LVRN: variants seen among roughly 807,000 people sequenced by gnomAD.
LVRN encodes aminopeptidase Q.
A neutral mutation model predicts 111.4 loss-of-function variants in LVRN; 99 were observed. The ratio of observed to expected loss-of-function variants is 0.89; its 90% confidence interval spans 0.76 to 1.05. The LOEUF (loss-of-function observed/expected upper bound fraction) is 1.05. Ranked by LOEUF, LVRN falls within the 50% of genes least tolerant of loss-of-function variation. The pLI is 0.00. For missense variants in LVRN, 1,414 were observed against 1,206.8 expected, an observed-to-expected ratio of 1.17 and a Z score of -2.54; for synonymous variants, 488 against 449.5, an observed-to-expected ratio of 1.09 and a Z score of -1.08.
chr5:116,014,174 GT>G (rs1228344826), intron 15 of LVRN, among the ~76,000 whole-genome samples: 1 of 152,156 alleles, frequency 6.6e-6, no homozygotes, highest in East Asian at 1.9e-4. Flanking sequence ...GCAGTAATTT[GT>G]TTCTAACTTT....
Position 116,015,396 on chromosome 5 carries a change from C to T in LVRN, c.2595C>T (p.Ser865=). 6.5e-7 allele frequency: 1 copy of T among 1,536,820 alleles called. No homozygotes were observed. The highest frequency in any genetic ancestry group is 1.4e-5 in the African/African-American group (1 of 69,464). Residue 865 remains serine (S), a synonymous_variant, in exon 17 of 20, where the codon AGC becomes AGT. Coordinates refer to ENST00000357872, the MANE Select transcript of LVRN (RefSeq NM_173800.5). ...KIQLAYAMSC[S]KDPWILNRYM... Reference sequence around the variant, plus strand: ...AACTTGCTTATGCAATGAGCTGCAGCAAAGACCCATGGATACTTAACAGGT... The same window carrying T: ...AACTTGCTTATGCAATGAGCTGCAGTAAAGACCCATGGATACTTAACAGGT...
chr5:115,991,413 T>G (rs556872171), intron 4 of LVRN, among the ~76,000 whole-genome samples: 1 of 152,334 alleles, frequency 6.6e-6, no homozygotes, highest in Admixed American at 6.5e-5. Flanking sequence ...TCTGTTGTAT[T>G]GATGTACTGC....
At chr5:115,977,217 C>T (rs1056234305) in intron 1 of LVRN, among the ~76,000 whole-genome samples, 1 of 152,164 alleles carries the variant, frequency 6.6e-6, no homozygotes, top group Non-Finnish European at 1.5e-5. Flanking sequence ...TACCTCTTCT[C>T]TTATACTCTA....
chr5:115,969,251 C>G (rs1160659293), intron 1 of LVRN, among the ~76,000 whole-genome samples: 4 of 152,124 alleles, frequency 2.6e-5, no homozygotes, highest in Admixed American at 6.5e-5. Flanking sequence ...TTTGGAAAAA[C>G]TTTCAACCAT....
chr5:115,979,414 G>T (rs968320776), intron 1 of LVRN, among the ~76,000 whole-genome samples: 1 of 152,020 alleles, frequency 6.6e-6, no homozygotes, highest in Non-Finnish European at 1.5e-5. Flanking sequence ...CCCTGAGAGC[G>T]TGGAAAGCTT....
At chr5:116,000,951 C>A in intron 9 of LVRN, 116 bp from the exon 10 acceptor site, 1 of 1,184,384 alleles carries the variant, frequency 8.4e-7, no homozygotes, top group Non-Finnish European at 1.2e-6. Flanking sequence ...TCACCCACTG[C>A]AGGACTACTA....
intron 18 of LVRN, chr5:116,020,226 A>G (rs1748694848): frequency 6.6e-6 from 1 of 152,250 alleles, no homozygotes; most frequent in Non-Finnish European, 1.5e-5. Context: ...TTCCAATGAG[A>G]AAGACTCCAT....
At chr5:115,963,640 T>C (rs1753140563) in intron 1 of LVRN, among the ~76,000 whole-genome samples, 1 of 152,092 alleles carries the variant, frequency 6.6e-6, no homozygotes, top group Non-Finnish European at 1.5e-5. Context: ...TTCTCACCCA[T>C]AGGTAGGAAT....
intron 1 of LVRN, among the ~76,000 whole-genome samples, chr5:115,964,873 G>T (rs1485893670): frequency 6.6e-6 from 1 of 152,190 alleles, no homozygotes; most frequent in Non-Finnish European, 1.5e-5. Context: ...TGGAAGAGTT[G>T]TTACCCTTTG....
intron 12 of LVRN, among the ~76,000 whole-genome samples, chr5:116,004,180 G>C (rs1251377878): frequency 6.6e-6 from 1 of 152,170 alleles, no homozygotes; most frequent in Non-Finnish European, 1.5e-5. Flanking sequence ...CTTCAGAAGA[G>C]AGAAGTTAAT....
chr5:115,968,498 G>A (rs1012934851), intron 1 of LVRN, among the ~76,000 whole-genome samples: 5 of 148,532 alleles, frequency 3.4e-5, no homozygotes, highest in African/African-American at 1.3e-4. Context: ...GAATGCAGGG[G>A]CACAATCATA....
At chr5:116,023,804 G>C (rs1050127740) in intron 19 of LVRN, among the ~76,000 whole-genome samples, 9 of 152,174 alleles carry the variant, frequency 5.9e-5, no homozygotes, top group African/African-American at 2.2e-4. Flanking sequence ...GGAGCAACTG[G>C]AACTCTTTTA....
intron 1 of LVRN, chr5:115,974,951 G>T: frequency 2.3e-6 from 1 of 440,946 alleles, no homozygotes; most frequent in South Asian, 1.9e-5. Context: ...TAAATGATCT[G>T]CAACTGCCTT....
rs143096952 is a variant in LVRN at position 116,001,296 on chromosome 5, A to G, written c.1820+57A>G. 1.4e-3 allele frequency: 2,202 copies of G among 1,575,912 alleles called. 39 individuals carry two copies. In the African/African-American group the frequency reaches 0.026, roughly 18 times the overall value. ...TTCCTTGGGGTTGAGCTCTGACCCA[A>G]TGGAATCCAGCCTGTGGGTGAAGAA... is the stretch of plus-strand genomic sequence containing the variant. On this transcript the variant is annotated intron_variant, in intron 10 of 19. Transcript: ENST00000357872.
At chr5:115,995,963 TGTGTG>T (rs1348248390) in intron 6 of LVRN, among the ~76,000 whole-genome samples, 1 of 152,108 alleles carries the variant, frequency 6.6e-6, no homozygotes, top group African/African-American at 2.4e-5. Flanking sequence ...TGTGTGTGTG[TGTGTG>T]TGTGTCTTTA....
In LVRN at chr5:115,984,623, T is replaced by A. The variant is rs765739446; in HGVS notation, c.892T>A (p.Ser298Thr). Residue 298 changes from serine (S) to threonine (T), a missense_variant, in exon 3 of 20, where the codon TCC becomes ACC. Transcript: ENST00000357872. Reference protein sequence around the residue: ...NGSKWTVTTFSTTPHMPTYLV... With the variant: ...NGSKWTVTTFTTTPHMPTYLV... ...AAGCAAATGGACTGTTACAACCTTTTCCACTACGCCCCACATGCCAACTTA... is the reference window on the plus strand; with the variant it reads ...AAGCAAATGGACTGTTACAACCTTTACCACTACGCCCCACATGCCAACTTA... 1.9e-6 allele frequency: 3 copies of A among 1,613,548 alleles called. No individual in the cohort carries two copies. In the African/African-American group the frequency reaches 4.0e-5, roughly 22 times the overall value.
Position 115,962,654 on chromosome 5 carries a change from C to T in LVRN, c.37C>T (p.Arg13Cys), listed in dbSNP as rs367912672. ...TTCCAGCTCAGGCTTCTATGTGAGC[C>T]GCGCAGTGGCCCTGCTGCTGGCTGG... ...PPSSSGFYVSRAVALLLAGLV... is the reference protein window; with the variant it reads ...PPSSSGFYVSCAVALLLAGLV... Residue 13 changes from arginine (R) to cysteine (C), a missense_variant, in exon 1 of 20, where the codon CGC becomes TGC. Physicochemically the swap from Arg to Cys is radical, Grantham distance 180 (BLOSUM62 -3). Transcript: ENST00000357872. 1 of 1,607,572 alleles carries T rather than the reference C, an allele frequency of 6.2e-7. No homozygotes were observed. The highest frequency in any genetic ancestry group is 1.3e-5 in the African/African-American group (1 of 74,822).
At chr5:116,008,449 C>G (rs1024975579) in intron 13 of LVRN, among the ~76,000 whole-genome samples, 1 of 152,022 alleles carries the variant, frequency 6.6e-6, no homozygotes, top group African/African-American at 2.4e-5. Context: ...CACTTTAAAT[C>G]AAAAGCTAGA....
rs1157317543 is a variant in LVRN, at chr5:115,984,603, A to G, written c.872A>G (p.Lys291Arg). The change falls in exon 3 of 20, where the codon AAA (lysine) becomes AGA (arginine). Residue 291 changes from lysine to arginine, a missense_variant. Coordinates refer to ENST00000357872, the MANE Select transcript of LVRN (RefSeq NM_173800.5). The part of the protein sequence containing the change: ...QSEKEDVNGS[K>R]WTVTTFSTTP... ...GAAAAAGAAGATGTGAATGGAAGCA[A>G]ATGGACTGTTACAACCTTTTCCACT... is the stretch of plus-strand genomic sequence containing the variant. 3.1e-6 allele frequency: 5 copies of G among 1,613,502 alleles called. No homozygotes were observed. Among genetic ancestry groups the G allele is most frequent in the Non-Finnish European group, 4.2e-6 (5 of 1,179,736 alleles).
Sources: allele counts gnomAD v4.1 joint callset (sites outside exome capture counted in the v4.1 genomes callset), GRCh38; gene constraint gnomAD v4.1.1; transcripts MANE v1.5; gene names NCBI Gene and HGNC (gene_info 2026-07-23, HGNC 2026-07-21).